The following KCNH1 variants were observed in gnomAD, a reference collection of about 807,000 sequenced individuals.
The protein encoded by KCNH1 is potassium voltage-gated channel subfamily H member 1.
Under a neutral mutation model 69.2 loss-of-function variants are expected in KCNH1, and 27 were observed. The ratio of observed to expected loss-of-function variants is 0.39; its 90% CI spans 0.29 to 0.54. KCNH1 has a LOEUF of 0.54. Among genes scored for constraint, KCNH1 ranks in the 20% least tolerant of loss-of-function variants. The pLI is 0.68. For missense variants in KCNH1, 798 were observed against 1,261.6 expected (o/e 0.63, Z 5.57); for synonymous variants, 456 against 487.7 (o/e 0.93, Z 0.86).
chr1:211,003,094 A>C (rs2102402308), intron 6 of KCNH1, among the ~76,000 whole-genome samples: 1 of 152,124 alleles, frequency 6.6e-6, no homozygotes, highest in South Asian at 2.1e-4. Flanking sequence ...AAAGAAGAAG[A>C]GGGGAGGAAA....
chr1:210,729,921 G>A (rs895721037), intron 10 of KCNH1, among the ~76,000 whole-genome samples: 3 of 152,146 alleles, frequency 2.0e-5, no homozygotes, highest in Non-Finnish European at 4.4e-5. Context: ...AATATCCATT[G>A]TCTTTTTCTG....
intron 9 of KCNH1, among the ~76,000 whole-genome samples, chr1:210,796,248 C>T (rs545153398): frequency 6.6e-6 from 1 of 151,924 alleles, no homozygotes; most frequent in Non-Finnish European, 1.5e-5. Flanking sequence ...ATGCTGATTC[C>T]ATGGACCTCA....
chr1:210,992,572 C>T (rs1009532121), intron 6 of KCNH1, among the ~76,000 whole-genome samples: 2 of 151,954 alleles, frequency 1.3e-5, no homozygotes, highest in African/African-American at 2.4e-5. Context: ...CTAGTGGCTG[C>T]TTTTTTAACA....
At chr1:211,110,211 T>G (rs1239622532) in intron 1 of KCNH1, among the ~76,000 whole-genome samples, 1 of 152,144 alleles carries the variant, frequency 6.6e-6, no homozygotes, top group Non-Finnish European at 1.5e-5. Context: ...TTACCACATA[T>G]TCTTTCTTTG....
At chr1:210,983,092 C>A (rs571433293) in intron 6 of KCNH1, among the ~76,000 whole-genome samples, 9 of 150,200 alleles carry the variant, frequency 6.0e-5, no homozygotes, top group Admixed American at 5.3e-4. Flanking sequence ...CTGTTCATAT[C>A]CTTCACCCAC....
At chr1:210,693,717 C>T (rs960472708) in intron 10 of KCNH1, among the ~76,000 whole-genome samples, 1 of 152,174 alleles carries the variant, frequency 6.6e-6, no homozygotes, top group Non-Finnish European at 1.5e-5. Flanking sequence ...TCATCTTATT[C>T]ACTCTTATGA....
chr1:210,996,214 C>A (rs1194859715), intron 6 of KCNH1, among the ~76,000 whole-genome samples: 3 of 152,172 alleles, frequency 2.0e-5, no homozygotes, highest in Non-Finnish European at 4.4e-5. Flanking sequence ...CACAAAGGGT[C>A]AGGGAGTTCC....
At chr1:210,887,817 C>T (rs1295661442) in intron 7 of KCNH1, among the ~76,000 whole-genome samples, 1 of 150,780 alleles carries the variant, frequency 6.6e-6, no homozygotes. Context: ...GAAAGAAGGC[C>T]ATTACGTAAT....
At position 210,796,310 on chromosome 1, in the gene KCNH1, A is replaced by G. The variant is rs574296066; in HGVS notation, c.1915+1198T>C. Among the ~76,000 whole-genome samples the G allele has an allele frequency of 8.1e-4, 123 of 152,286 alleles. 1 individual carries two copies. In the South Asian group the frequency reaches 8.9e-3, roughly 11 times the overall value. On this transcript the variant is annotated intron_variant, in intron 9 of 10. Transcript: ENST00000271751. ...TCTTTGAACTTTAATTCTCTCATCT[A>G]CAAAATGGGGATAATAAAACCATTT...
rs568933205 is a variant in KCNH1, at chr1:210,982,668, G to T, written c.1032+36115C>A. ...CCACATTTTCTTAATCCAGTCTATC[G>T]TTGTTGGACATTTGGGTTGGTTCCA... is the stretch of plus-strand genomic sequence containing the variant. On this transcript the variant is annotated intron_variant, in intron 6 of 10. Coordinates refer to ENST00000271751, the MANE Select transcript of KCNH1 (RefSeq NM_172362.3). Among the ~76,000 whole-genome samples the T allele has an allele frequency of 5.3e-4, 80 of 151,926 alleles. No homozygotes were observed. In the South Asian group the frequency reaches 9.8e-3, roughly 19 times the overall value.
intron 10 of KCNH1, among the ~76,000 whole-genome samples, chr1:210,728,469 T>G (rs1031069933): frequency 3.9e-5 from 6 of 152,196 alleles, no homozygotes; most frequent in Non-Finnish European, 7.3e-5. Flanking sequence ...GATTTCAGTA[T>G]AACAATTACC....
intron 6 of KCNH1, among the ~76,000 whole-genome samples, chr1:210,985,943 C>CT (rs1445819488): frequency 6.6e-6 from 1 of 152,148 alleles, no homozygotes; most frequent in East Asian, 1.9e-4. Context: ...TCGCTAAGGA[C>CT]TTGCTTTATG....
intron 7 of KCNH1, among the ~76,000 whole-genome samples, chr1:210,852,341 G>A (rs1685724045): frequency 6.6e-6 from 1 of 152,204 alleles, no homozygotes; most frequent in Non-Finnish European, 1.5e-5. Context: ...GCGAGAGAAG[G>A]CTGGAGAGGG....
chr1:210,800,014 A>T (rs1373024542), intron 8 of KCNH1, among the ~76,000 whole-genome samples: 1 of 152,254 alleles, frequency 6.6e-6, no homozygotes, highest in Non-Finnish European at 1.5e-5. Context: ...ACTTGTGAGA[A>T]TTAAATGAAA....
intron 10 of KCNH1, among the ~76,000 whole-genome samples, chr1:210,714,225 TACCAA>T (rs1276476572): frequency 3.9e-5 from 6 of 152,170 alleles, no homozygotes; most frequent in African/African-American, 1.4e-4. Context: ...TAGAGCAGAT[TACCAA>T]ACCCCTCCAA....
chr1:210,889,702 TAA>T (rs1305687591), intron 7 of KCNH1, among the ~76,000 whole-genome samples: 1 of 152,140 alleles, frequency 6.6e-6, no homozygotes, highest in African/African-American at 2.4e-5. Context: ...GCAACTTCAG[TAA>T]AGTCTCAGGA....
intron 6 of KCNH1, among the ~76,000 whole-genome samples, chr1:211,003,458 G>A (rs1689225420): frequency 1.3e-5 from 2 of 152,122 alleles, no homozygotes; most frequent in Admixed American, 6.5e-5. Context: ...TTTCATGTTA[G>A]GGGTGATAAA....
chr1:211,078,816 G>A (rs1362596635), intron 5 of KCNH1, among the ~76,000 whole-genome samples: 1 of 151,444 alleles, frequency 6.6e-6, no homozygotes, highest in Non-Finnish European at 1.5e-5. Flanking sequence ...TGCTCGGGAG[G>A]CTGAGGCAGT....
At chr1:210,708,037 A>T (rs1301819961) in intron 10 of KCNH1, among the ~76,000 whole-genome samples, 3 of 152,224 alleles carry the variant, frequency 2.0e-5, no homozygotes, top group Non-Finnish European at 4.4e-5. Context: ...TGTCATGCAG[A>T]TACTAAACAC....
Sources: allele counts gnomAD v4.1 joint callset (sites outside exome capture counted in the v4.1 genomes callset), GRCh38; gene constraint gnomAD v4.1.1; transcripts MANE v1.5; gene names NCBI Gene and HGNC (gene_info 2026-07-23, HGNC 2026-07-21).